The following SPON1 variants were observed in gnomAD, a reference collection of about 807,000 sequenced individuals.
The protein encoded by SPON1 is spondin 1.
A neutral mutation model predicts 111.7 loss-of-function variants in SPON1; 52 were observed. That is an observed-to-expected ratio of 0.47 (90% CI 0.37 to 0.59). The LOEUF (loss-of-function observed/expected upper bound fraction) is 0.59, where lower values mean the gene tolerates loss of function less well. SPON1 is among the 20% of genes least tolerant of loss of function. The pLI is 0.00. For synonymous variants in SPON1, 410 were observed against 395.8 expected (o/e 1.04, Z -0.43); for missense variants, 957 against 1,068.5 (o/e 0.90, Z 1.46).
At chr11:14,199,807 G>A (rs985169300) in intron 6 of SPON1, among the ~76,000 whole-genome samples, 2 of 152,212 alleles carry the variant, frequency 1.3e-5, no homozygotes, top group Non-Finnish European at 2.9e-5. Flanking sequence ...TCTGGAGGGT[G>A]CAAGCCCTCA....
intron 2 of SPON1, among the ~76,000 whole-genome samples, chr11:14,025,318 T>C (rs945434998): frequency 5.9e-5 from 9 of 152,262 alleles, no homozygotes; most frequent in Non-Finnish European, 1.2e-4. Flanking sequence ...AATACCTCTT[T>C]AATTTTAATT....
intron 1 of SPON1, among the ~76,000 whole-genome samples, chr11:13,975,703 A>G (rs1375651740): frequency 6.6e-6 from 1 of 152,184 alleles, no homozygotes; most frequent in Non-Finnish European, 1.5e-5. Flanking sequence ...AAATCTCTCC[A>G]TAACCTGAAC....
rs1554907671 is a variant in SPON1 at position 13,963,030 on chromosome 11, C to T, written c.126C>T (p.Gly42=). The change falls in exon 1 of 16, where the codon GGC becomes GGT. Residue 42 remains glycine (G), a synonymous_variant. Coordinates refer to ENST00000576479, the MANE Select transcript of SPON1 (RefSeq NM_006108.4). Reference sequence around the variant, plus strand: ...TGGACAAAGTGCCCAAGTCAGAGGGCTACTGCAGCCGTATCCTGCGCGCCC... The same window carrying T: ...TGGACAAAGTGCCCAAGTCAGAGGGTTACTGCAGCCGTATCCTGCGCGCCC... ...ETLDKVPKSE[G]YCSRILRAQG... is the part of the protein sequence containing the mutation. The T allele has an allele frequency of 6.3e-7, 1 of 1,588,882 alleles. No individual in the cohort carries two copies. Among genetic ancestry groups the T allele is most frequent in the Non-Finnish European group, 8.6e-7 (1 of 1,168,968 alleles).
chr11:14,021,494 C>T (rs888702263), intron 2 of SPON1, among the ~76,000 whole-genome samples: 1 of 152,100 alleles, frequency 6.6e-6, no homozygotes, highest in Non-Finnish European at 1.5e-5. Context: ...GTTGCAAAAC[C>T]TGAGGAAGAA....
rs555461059 is a variant in SPON1, at chr11:14,140,595, A to G, written c.825+5027A>G. On this transcript the variant is annotated intron_variant, in intron 6 of 15. Coordinates refer to ENST00000576479, the MANE Select transcript of SPON1 (RefSeq NM_006108.4). ...TTTTTAGTAGAGACGGGGTTTTACC[A>G]TGCTGGTCAGGCTGGTCTCGAAATC... Among the ~76,000 whole-genome samples the G allele has an allele frequency of 3.3e-5, 5 of 152,328 alleles. No homozygotes were observed. In the East Asian group the frequency reaches 9.7e-4, roughly 29 times the overall value.
rs3047401 is a variant in SPON1 at position 13,969,215 on chromosome 11, CAAAA to C, written c.238+6091_238+6094del. Reference sequence around the variant, plus strand: ...GACAATATGGCAAAACCCATCTCTACAAAAAAAAAAAAAAAAAAAAATTAGCTGG... The same window carrying C: ...GACAATATGGCAAAACCCATCTCTACAAAAAAAAAAAAAAAAATTAGCTGG... On this transcript the variant is annotated intron_variant, in intron 1 of 15. Coordinates refer to ENST00000576479, the MANE Select transcript of SPON1 (RefSeq NM_006108.4). Among the ~76,000 whole-genome samples, 24 of 106,948 alleles carry C rather than the reference CAAAA, an allele frequency of 2.2e-4. 1 individual carries two copies. Among genetic ancestry groups the C allele is most frequent in the Admixed American group, 1.5e-3 (13 of 8,904 alleles). 70.2% of individuals were successfully genotyped at this position (106,948 alleles called of 152,430 possible).
intron 6 of SPON1, among the ~76,000 whole-genome samples, chr11:14,145,169 A>C (rs969098007): frequency 6.6e-6 from 1 of 152,222 alleles, no homozygotes; most frequent in Non-Finnish European, 1.5e-5. Context: ...TGAGTCTTCA[A>C]ACAAATCCAG....
chr11:14,134,862 G>A (rs781957829), intron 5 of SPON1: 4 of 152,284 alleles, frequency 2.6e-5, no homozygotes, highest in African/African-American at 4.8e-5. Flanking sequence ...CCATTCATGA[G>A]CCAGCTTCTT....
intron 2 of SPON1, among the ~76,000 whole-genome samples, chr11:14,030,546 A>C (rs1177904577): frequency 6.6e-6 from 1 of 152,188 alleles, no homozygotes; most frequent in African/African-American, 2.4e-5. Context: ...AAAATAAAGC[A>C]AGTGAGATTT....
intron 6 of SPON1, among the ~76,000 whole-genome samples, chr11:14,164,396 G>T (rs1213456281): frequency 6.6e-6 from 1 of 152,140 alleles, no homozygotes; most frequent in Non-Finnish European, 1.5e-5. Context: ...CCATAGTTAT[G>T]AAACTAAGTT....
intron 3 of SPON1, among the ~76,000 whole-genome samples, chr11:14,064,202 A>G (rs1294253260): frequency 1.3e-5 from 2 of 152,278 alleles, no homozygotes; most frequent in Non-Finnish European, 2.9e-5. Context: ...CTTGGAATTC[A>G]GGCAGAAATG....
intron 6 of SPON1, among the ~76,000 whole-genome samples, chr11:14,239,646 G>A (rs192703842): frequency 4.0e-4 from 61 of 152,284 alleles, no homozygotes; most frequent in African/African-American, 1.5e-3. Context: ...GATTGCTTGA[G>A]CCCGGGAGGC....
At chr11:14,069,812 C>T (rs1451860573) in intron 3 of SPON1, among the ~76,000 whole-genome samples, 1 of 133,206 alleles carries the variant, frequency 7.5e-6, no homozygotes, top group African/African-American at 2.6e-5. Context: ...CAAGCAGAGA[C>T]TGCAGCCTTA....
At chr11:14,242,197 G>A (rs570117721) in intron 6 of SPON1, among the ~76,000 whole-genome samples, 10 of 152,160 alleles carry the variant, frequency 6.6e-5, no homozygotes, top group Non-Finnish European at 1.3e-4. Context: ...GTTTCCATGG[G>A]GCTGTGGGAT....
At chr11:14,001,092 C>A (rs1409505268) in intron 2 of SPON1, among the ~76,000 whole-genome samples, 1 of 152,202 alleles carries the variant, frequency 6.6e-6, no homozygotes, top group Middle Eastern at 3.4e-3. Flanking sequence ...ATGAGGCAAA[C>A]CTTCGCCACC....
chr11:14,204,109 T>C (rs1263979032), intron 6 of SPON1, among the ~76,000 whole-genome samples: 2 of 152,174 alleles, frequency 1.3e-5, no homozygotes, highest in Non-Finnish European at 2.9e-5. Context: ...GATTGAACCA[T>C]TTGCTGTCTA....
intron 6 of SPON1, among the ~76,000 whole-genome samples, chr11:14,206,066 G>A (rs1202565925): frequency 6.6e-6 from 1 of 151,932 alleles, no homozygotes; most frequent in Non-Finnish European, 1.5e-5. Flanking sequence ...CAGGCCCAGA[G>A]CACTATGCCT....
intron 6 of SPON1, among the ~76,000 whole-genome samples, chr11:14,199,180 T>C (rs1292721026): frequency 1.3e-5 from 2 of 152,188 alleles, no homozygotes; most frequent in African/African-American, 4.8e-5. Flanking sequence ...AGGTCACATA[T>C]GTCTGAAGAT....
At chr11:14,034,793 G>T (rs535541808) in intron 2 of SPON1, among the ~76,000 whole-genome samples, 12 of 152,240 alleles carry the variant, frequency 7.9e-5, no homozygotes, top group Non-Finnish European at 1.3e-4. Flanking sequence ...CCTATCAAAG[G>T]TCCAGTGATA....
Sources: allele counts gnomAD v4.1 joint callset (sites outside exome capture counted in the v4.1 genomes callset), GRCh38; gene constraint gnomAD v4.1.1; transcripts MANE v1.5; gene names NCBI Gene and HGNC (gene_info 2026-07-23, HGNC 2026-07-21).